Variants in AXL observed in about 807,000 individuals in gnomAD.
AXL encodes tyrosine-protein kinase receptor UFO.
AXL carries 52 observed loss-of-function variants against 104.5 expected under a neutral mutation model. That is an observed-to-expected ratio of 0.50 (90% confidence interval 0.40 to 0.63). The LOEUF is 0.63. Among genes scored for constraint, AXL ranks in the 20% least tolerant of loss-of-function variants. AXL has a pLI of 0.00. For synonymous variants in AXL, 455 were observed against 473.7 expected, an observed-to-expected ratio of 0.96 and a Z score of 0.51; for missense variants, 1,024 against 1,188.5, an observed-to-expected ratio of 0.86 and a Z score of 2.04.
rs2034532904 is a variant in AXL at position 41,261,019 on chromosome 19, G to C, written c.*1115G>C. The C allele has an allele frequency of 6.6e-6, 1 of 152,126 alleles. No individual in the cohort carries two copies. The allele number at this position is 152,126 out of a possible 1,614,324, so 9.4% of individuals were successfully genotyped here. A position where few individuals can be genotyped will look rare whatever the true frequency, so the allele number is the denominator to read the frequency against. ...TCTTGTATAAGATCCTAGATCCTAA[G>C]GGTCGAAAGCTCTAGAATCTGCAAT... On this transcript the variant is annotated 3_prime_UTR_variant, in exon 20 of 20. Transcript: ENST00000301178.
intron 6 of AXL, among the ~76,000 whole-genome samples, chr19:41,236,405 G>A (rs2034080035): frequency 6.6e-6 from 1 of 151,456 alleles, no homozygotes; most frequent in South Asian, 2.1e-4. Context: ...GGGAGGCCGA[G>A]GCATGAGAAT....
At chr19:41,234,080 C>T (rs1005408423) in intron 6 of AXL, among the ~76,000 whole-genome samples, 3 of 152,088 alleles carry the variant, frequency 2.0e-5, no homozygotes, top group African/African-American at 7.2e-5. Context: ...GGCATGGTGA[C>T]AGCCTCACCC....
intron 14 of AXL, among the ~76,000 whole-genome samples, chr19:41,250,107 T>C (rs1297163613): frequency 6.6e-6 from 1 of 152,194 alleles, no homozygotes; most frequent in African/African-American, 2.4e-5. Context: ...AAAAGGACCC[T>C]AATGTCCCCA....
intron 6 of AXL, among the ~76,000 whole-genome samples, chr19:41,235,221 C>G (rs970599252): frequency 6.6e-6 from 1 of 152,004 alleles, no homozygotes; most frequent in Non-Finnish European, 1.5e-5. Context: ...TGTGGTGGTG[C>G]ATGCCTGTAA....
chr19:41,240,086 G>C (rs543489728), intron 10 of AXL, among the ~76,000 whole-genome samples: 1 of 152,104 alleles, frequency 6.6e-6, no homozygotes, highest in East Asian at 1.9e-4. Flanking sequence ...TGGATGGGTG[G>C]ATGGATGGAT....
chr19:41,236,792 A>T, intron 6 of AXL, among the ~76,000 whole-genome samples: 1 of 151,924 alleles, frequency 6.6e-6, no homozygotes, highest in Non-Finnish European at 1.5e-5. Context: ...AAAGGAAAAA[A>T]AAAAAAAAAG....
Position 41,248,752 on chromosome 19 carries a change from G to C in AXL, c.1643G>C (p.Gly548Ala). The change falls in exon 14 of 20, where the codon GGA (glycine) becomes GCA (alanine). Residue 548 changes from glycine to alanine, a missense_variant. Physicochemically the swap from Gly to Ala is moderately conservative, Grantham distance 60. Transcript: ENST00000301178. ...CTCTGGCCCCCCACAGGAGAGTTTG[G>C]AGCTGTGATGGAAGGCCAGCTCAAC... ...LGKTLGEGEF[G>A]AVMEGQLNQD... 1 of 1,614,076 alleles carries C rather than the reference G, an allele frequency of 6.2e-7. No individual in the cohort carries two copies. Among genetic ancestry groups the C allele is most frequent in the Non-Finnish European group, 8.5e-7 (1 of 1,180,022 alleles).
chr19:41,242,671 A>C (rs2034203866), intron 10 of AXL, among the ~76,000 whole-genome samples: 1 of 151,622 alleles, frequency 6.6e-6, no homozygotes, highest in Admixed American at 6.6e-5. Flanking sequence ...ACTTTCACAC[A>C]CTTCTGCTTT....
intron 4 of AXL, among the ~76,000 whole-genome samples, chr19:41,227,548 C>CGACCTTG (rs938639690): frequency 1.3e-5 from 2 of 149,064 alleles, no homozygotes; most frequent in African/African-American, 2.5e-5. Context: ...TGCAGTGTGG[C>CGACCTTG]GACCTTGGCT....
At chr19:41,230,048 C>T (rs942242874) in intron 4 of AXL, among the ~76,000 whole-genome samples, 7 of 151,440 alleles carry the variant, frequency 4.6e-5, no homozygotes, top group African/African-American at 1.5e-4. Context: ...TATATGAGCA[C>T]GTGTATTTCT....
At chr19:41,225,891 G>C (rs2033870908) in intron 4 of AXL, among the ~76,000 whole-genome samples, 1 of 152,126 alleles carries the variant, frequency 6.6e-6, no homozygotes, top group Non-Finnish European at 1.5e-5. Context: ...GTGTGCGTCT[G>C]TCCCTCTATC....
chr19:41,239,144 G>A lies in AXL; in HGVS notation c.1135-20G>A, dbSNP rs2122237086. 3.7e-6 allele frequency: 6 copies of A among 1,612,746 alleles called. No individual in the cohort carries two copies. The South Asian group carries it at 4.4e-5, about 12-fold the overall frequency. On this transcript the variant is annotated intron_variant, in intron 8 of 19. Coordinates refer to ENST00000301178, the MANE Select transcript of AXL (RefSeq NM_021913.5). ...CTGGGGGGTAAGGTTCTACCCTGAT[G>A]CCACTTCTGGACCTCCTAGGTGCTA... is the stretch of plus-strand genomic sequence containing the variant.
At chr19:41,247,610 G>A (rs1031483494) in intron 12 of AXL, among the ~76,000 whole-genome samples, 2 of 152,126 alleles carry the variant, frequency 1.3e-5, no homozygotes, top group Admixed American at 6.5e-5. Context: ...TTTGAGATGG[G>A]GTCTTGCTCT....
At chr19:41,243,488 T>C (rs528863701) in intron 11 of AXL, 128 bp from the exon 12 acceptor site, 1 of 772,370 alleles carries the variant, frequency 1.3e-6, no homozygotes, top group Non-Finnish European at 2.3e-6. Flanking sequence ...GCCCAAGGCA[T>C]GCTCAGCAAA....
At chr19:41,232,307 C>T (rs7246896) in intron 6 of AXL, among the ~76,000 whole-genome samples, 20,038 of 152,176 alleles carry the variant, frequency 0.13, 2,115 homozygotes, top group South Asian at 0.3. Flanking sequence ...CCTCTGCCCT[C>T]AAGTTGCTCC....
At position 41,220,908 on chromosome 19, in the gene AXL, G is replaced by A. The variant is rs773804706; in HGVS notation, c.308+50G>A. Reference sequence around the variant, plus strand: ...CACTCCCACCTCCGTCACACAGAGGGCAGAAAGCCCACCTGGGTGGGAACC... The same window carrying A: ...CACTCCCACCTCCGTCACACAGAGGACAGAAAGCCCACCTGGGTGGGAACC... On this transcript the variant is annotated intron_variant, in intron 2 of 19. Coordinates refer to ENST00000301178, the MANE Select transcript of AXL (RefSeq NM_021913.5). 43 of 1,588,178 alleles carry A rather than the reference G, an allele frequency of 2.7e-5. No individual in the cohort carries two copies. The Admixed American group carries it at 6.3e-4, about 23-fold the overall frequency.
chr19:41,243,566 G>A, intron 11 of AXL, 50 bp from the exon 12 acceptor site: 1 of 1,399,612 alleles, frequency 7.1e-7, no homozygotes, highest in Non-Finnish European at 1.0e-6. Context: ...GTTGAGTAGG[G>A]GGTTCCACAT....
intron 14 of AXL, among the ~76,000 whole-genome samples, chr19:41,251,920 T>C (rs2034369553): frequency 6.6e-6 from 1 of 151,304 alleles, no homozygotes; most frequent in South Asian, 2.1e-4. Context: ...GAAACCATCC[T>C]GGCTAACAAG....
chr19:41,238,770 A>G (rs1243567746), intron 8 of AXL, among the ~76,000 whole-genome samples, 161 bp downstream of exon 8: 6 of 152,098 alleles, frequency 3.9e-5, no homozygotes, highest in South Asian at 4.1e-4. Flanking sequence ...TGGGGAGAAT[A>G]AGGGGGTCTA....
Sources: gnomAD v4.1 joint callset for allele counts (sites outside exome capture counted in the v4.1 genomes callset) on GRCh38, gnomAD v4.1.1 for gene constraint, MANE v1.5 for transcripts, NCBI Gene and HGNC (gene_info 2026-07-23, HGNC 2026-07-21) for gene names.